The following BBS9 variants were observed in gnomAD, a reference collection of about 807,000 sequenced individuals.
BBS9 encodes Bardet-Biedl syndrome 9.
Under a neutral mutation model 117.7 loss-of-function variants are expected in BBS9, and 89 were observed. That is an observed-to-expected ratio of 0.76 (90% CI 0.64 to 0.90). The LOEUF (loss-of-function observed/expected upper bound fraction) is 0.90. BBS9 is among the 40% of genes least tolerant of loss of function. The pLI is 0.00. For missense variants in BBS9, 982 were observed against 1,042.2 expected (o/e 0.94, Z 0.80); for synonymous variants, 379 against 370.9 (o/e 1.02, Z -0.25).
At chr7:33,310,377 A>T (rs562646141) in intron 9 of BBS9, among the ~76,000 whole-genome samples, 30 of 152,290 alleles carry the variant, frequency 2.0e-4, no homozygotes, top group Middle Eastern at 3.4e-3. Context: ...CACTTGTTGG[A>T]AATGTTATAA....
intron 9 of BBS9, among the ~76,000 whole-genome samples, chr7:33,302,245 AT>A (rs1254054728): frequency 2.0e-5 from 3 of 151,996 alleles, no homozygotes; most frequent in Non-Finnish European, 4.4e-5. Context: ...CACTTGGTTG[AT>A]TGTTTCCTTC....
Position 33,483,432 on chromosome 7 carries a change from C to T in BBS9, c.2116-22031C>T, listed in dbSNP as rs191188412. ...CTTAGTGCCTTCACTGGCATATATA[C>T]CTTGCCTAGAATCACCTTTTTCCTT... On this transcript the variant is annotated intron_variant, in intron 19 of 22. Transcript: ENST00000242067. Among the ~76,000 whole-genome samples, 370 of 152,268 alleles carry T rather than the reference C, an allele frequency of 2.4e-3. 5 individuals carry two copies. The South Asian group carries it at 0.034, about 14-fold the overall frequency.
downstream of BBS9, among the ~76,000 whole-genome samples, chr7:33,609,542 A>G (rs1434330719): frequency 1.3e-5 from 2 of 152,090 alleles, no homozygotes; most frequent in Non-Finnish European, 2.9e-5. Context: ...TGAGTTTGTA[A>G]TTGTATACTC....
At chr7:33,259,434 A>T (rs1053200455) in intron 6 of BBS9, among the ~76,000 whole-genome samples, 10 of 152,140 alleles carry the variant, frequency 6.6e-5, no homozygotes, top group African/African-American at 2.4e-4. Flanking sequence ...AGGGGATAAG[A>T]CCCAGAAATC....
intron 5 of BBS9, among the ~76,000 whole-genome samples, chr7:33,209,320 CA>C (rs1787573288): frequency 6.6e-6 from 1 of 152,060 alleles, no homozygotes; most frequent in South Asian, 2.1e-4. Flanking sequence ...TATATGTAAC[CA>C]CATTTTCTTT....
chr7:33,369,542 A>G (rs932071616), intron 17 of BBS9, among the ~76,000 whole-genome samples: 2 of 152,168 alleles, frequency 1.3e-5, no homozygotes, highest in South Asian at 2.1e-4. Context: ...ATGGAATAGG[A>G]CAGGACCTTT....
downstream of BBS9, among the ~76,000 whole-genome samples, chr7:33,608,971 C>A (rs994035293): frequency 2.0e-5 from 3 of 151,980 alleles, no homozygotes; most frequent in African/African-American, 7.2e-5. Context: ...GGTTTTCTTC[C>A]AGTATTCTTA....
chr7:33,525,942 T>C (rs893346381), intron 20 of BBS9, among the ~76,000 whole-genome samples: 8 of 151,758 alleles, frequency 5.3e-5, no homozygotes, highest in African/African-American at 1.9e-4. Flanking sequence ...AGGGCAGGCC[T>C]GGTGGTGACA....
chr7:33,575,893 A>T (rs907061848), intron 21 of BBS9, among the ~76,000 whole-genome samples: 1 of 152,206 alleles, frequency 6.6e-6, no homozygotes, highest in Non-Finnish European at 1.5e-5. Flanking sequence ...CTAGGTATTG[A>T]TGGAACATAT....
intron 9 of BBS9, among the ~76,000 whole-genome samples, chr7:33,324,060 A>G (rs939331888): frequency 1.4e-5 from 2 of 148,020 alleles, no homozygotes; most frequent in African/African-American, 5.0e-5. Context: ...CTAATCTTGA[A>G]CTCTTGACCT....
intron 19 of BBS9, among the ~76,000 whole-genome samples, chr7:33,426,284 A>G (rs1230218963): frequency 1.3e-5 from 2 of 152,212 alleles, no homozygotes; most frequent in African/African-American, 2.4e-5. Flanking sequence ...ACTGAGTGCC[A>G]GCTATTGCTA....
intron 19 of BBS9, among the ~76,000 whole-genome samples, chr7:33,492,729 G>C (rs551230552): frequency 6.6e-6 from 1 of 151,728 alleles, no homozygotes; most frequent in South Asian, 2.1e-4. Flanking sequence ...CAGTTGTTGG[G>C]GAGGAGTCAT....
At chr7:33,164,360 G>T (rs1222037787) in intron 4 of BBS9, among the ~76,000 whole-genome samples, 1 of 152,186 alleles carries the variant, frequency 6.6e-6, no homozygotes, top group African/African-American at 2.4e-5. Context: ...TTGGTGCACA[G>T]CTGAGTTCAA....
At position 33,357,822 on chromosome 7, in the gene BBS9, T is replaced by G. The variant is rs759651117; in HGVS notation, c.1553-33T>G. ...TTTTTTTGCCAAATTATTTGTCAAG[T>G]CTATGAATCTACATATCTCTCTTTT... On this transcript the variant is annotated intron_variant, in intron 15 of 22. Transcript: ENST00000242067. The G allele has an allele frequency of 1.9e-5, 30 of 1,601,344 alleles. No homozygotes were observed. In the Middle Eastern group the frequency reaches 6.6e-4, roughly 35 times the overall value.
intron 19 of BBS9, among the ~76,000 whole-genome samples, chr7:33,439,826 C>CT (rs527567433): frequency 1.3e-5 from 2 of 152,142 alleles, no homozygotes; most frequent in Non-Finnish European, 2.9e-5. Flanking sequence ...TGCGCCCGGC[C>CT]TTTTATCAAT....
At chr7:33,470,402 A>AT (rs888788106) in intron 19 of BBS9, among the ~76,000 whole-genome samples, 16 of 151,672 alleles carry the variant, frequency 1.1e-4, no homozygotes, top group African/African-American at 3.2e-4. Context: ...TAAAATATAT[A>AT]TTTTTTTCTA....
intron 9 of BBS9, among the ~76,000 whole-genome samples, chr7:33,319,162 CAA>C (rs766634541): frequency 3.6e-4 from 46 of 126,930 alleles, no homozygotes; most frequent in Non-Finnish European, 4.0e-4. Flanking sequence ...GACTCTATGT[CAA>C]AAAAAAAAAA....
At chr7:33,427,590 A>G (rs1255779867) in intron 19 of BBS9, among the ~76,000 whole-genome samples, 1 of 152,166 alleles carries the variant, frequency 6.6e-6, no homozygotes, top group African/African-American at 2.4e-5. Context: ...ATATAATGAA[A>G]TACCAAATGG....
chr7:33,172,000 A>G (rs181327165), intron 4 of BBS9, among the ~76,000 whole-genome samples: 1 of 134,366 alleles, frequency 7.4e-6, no homozygotes, highest in African/African-American at 2.7e-5. Context: ...CCCCTCCCCA[A>G]ATAGCCAGTA....
Sources: allele counts gnomAD v4.1 joint callset (sites outside exome capture counted in the v4.1 genomes callset), GRCh38; gene constraint gnomAD v4.1.1; transcripts MANE v1.5; gene names NCBI Gene and HGNC (gene_info 2026-07-23, HGNC 2026-07-21).